The following OSBPL8 variants were observed in gnomAD, a reference collection of about 807,000 sequenced individuals.
The protein encoded by OSBPL8 is oxysterol binding protein like 8, also known as oxysterol-binding protein-related protein 8.
A neutral mutation model predicts 125.5 loss-of-function variants in OSBPL8; 59 were observed. The observed-to-expected ratio is 0.47, with a 90% CI of 0.38 to 0.58. The LOEUF (loss-of-function observed/expected upper bound fraction) is 0.58, where lower values mean the gene tolerates loss of function less well. Ranked by LOEUF, OSBPL8 falls within the 20% of genes least tolerant of loss-of-function variation. The probability of loss-of-function intolerance (pLI) is 0.00; values close to 1 mark genes in which losing one functional copy is unlikely to be tolerated. For missense variants in OSBPL8, 758 were observed against 1,047.8 expected (o/e 0.72, Z 3.82); for synonymous variants, 330 against 338.9 (o/e 0.97, Z 0.29).
chr12:76,435,973 A>G (rs1021781846), intron 4 of OSBPL8, among the ~76,000 whole-genome samples: 8 of 152,158 alleles, frequency 5.3e-5, no homozygotes, highest in African/African-American at 1.9e-4. Flanking sequence ...CTCTCAAAAC[A>G]TAAAGAAAAT....
At chr12:76,503,931 T>A (rs1027371867) in intron 1 of OSBPL8, among the ~76,000 whole-genome samples, 2 of 152,122 alleles carry the variant, frequency 1.3e-5, no homozygotes, top group African/African-American at 4.8e-5. Flanking sequence ...TCAATTTGGC[T>A]AAGCTATGAG....
intron 1 of OSBPL8, among the ~76,000 whole-genome samples, chr12:76,537,659 AAC>A: frequency 6.6e-6 from 1 of 152,324 alleles, no homozygotes; most frequent in Non-Finnish European, 1.5e-5. Flanking sequence ...CTGTAATCCC[AAC>A]ACTTTGGGAG....
intron 12 of OSBPL8, 133 bp from the exon 13 acceptor site, chr12:76,386,793 C>G (rs965595163): frequency 3.4e-6 from 2 of 583,178 alleles, no homozygotes; most frequent in African/African-American, 1.9e-5. Flanking sequence ...GACAAAACAA[C>G]CATGTAATCA....
Position 76,365,188 on chromosome 12 carries a change from C to T in OSBPL8, c.2328+4026G>A, listed in dbSNP as rs149088650. Among the ~76,000 whole-genome samples, 923 of 152,218 alleles carry T rather than the reference C, an allele frequency of 6.1e-3. 10 individuals carry two copies. Among genetic ancestry groups the T allele is most frequent in the African/African-American group, 0.021 (874 of 41,520 alleles). The stretch of plus-strand genomic sequence containing the variant: ...CCAGTCTGGTCTCAAGCAGTCCCTC[C>T]GCCTCGGCCTCCCAAAGTGCTGAGG... On this transcript the variant is annotated intron_variant, in intron 21 of 23. Coordinates refer to ENST00000261183, the MANE Select transcript of OSBPL8 (RefSeq NM_020841.5).
chr12:76,451,026 C>A, intron 3 of OSBPL8, 38 bp from the exon 4 acceptor site: 1 of 1,589,690 alleles, frequency 6.3e-7, no homozygotes, highest in South Asian at 1.1e-5. Flanking sequence ...GTACTGAAGT[C>A]ACAGATTTAC....
At chr12:76,527,777 T>C (rs542329671) in intron 1 of OSBPL8, among the ~76,000 whole-genome samples, 2 of 152,278 alleles carry the variant, frequency 1.3e-5, no homozygotes, top group East Asian at 3.9e-4. Flanking sequence ...AAATATTTTA[T>C]AATGGACAGC....
chr12:76,525,890 T>C (rs551044525), intron 1 of OSBPL8, among the ~76,000 whole-genome samples: 354 of 152,358 alleles, frequency 2.3e-3, no homozygotes, highest in Middle Eastern at 3.4e-3. Flanking sequence ...ACTGAACTAG[T>C]ATTTTTGAAT....
At chr12:76,444,813 T>G (rs1281376949) in intron 4 of OSBPL8, among the ~76,000 whole-genome samples, 1 of 152,170 alleles carries the variant, frequency 6.6e-6, no homozygotes, top group Non-Finnish European at 1.5e-5. Flanking sequence ...AGCTTCCAGG[T>G]GACTCAGATA....
intron 4 of OSBPL8, among the ~76,000 whole-genome samples, chr12:76,416,149 T>A (rs1868637259): frequency 6.6e-6 from 1 of 152,128 alleles, no homozygotes. Flanking sequence ...TTCCAATTCC[T>A]ATTTTGATTT....
chr12:76,452,464 T>C (rs1397785453), intron 3 of OSBPL8, among the ~76,000 whole-genome samples: 1 of 152,122 alleles, frequency 6.6e-6, no homozygotes, highest in Non-Finnish European at 1.5e-5. Context: ...CATCTCAAAT[T>C]TATCTAGAAT....
At chr12:76,357,309 G>A (rs1952023100) in intron 22 of OSBPL8, among the ~76,000 whole-genome samples, 1 of 152,112 alleles carries the variant, frequency 6.6e-6, no homozygotes, top group South Asian at 2.1e-4. Context: ...CAGGGTTGTT[G>A]TAAGGTGTAT....
In OSBPL8 at chr12:76,503,435, T is replaced by C. The variant is rs1880102144; in HGVS notation, c.-67-15817A>G. On this transcript the variant is annotated intron_variant, in intron 1 of 23. Transcript: ENST00000261183. ...TAGTGACCTCATTTTAACTTAACTA[T>C]CTCATTAAAGACCCTGTCTCCAAAT... 2.0e-5 allele frequency among the ~76,000 whole-genome samples: 3 copies of C among 152,176 alleles called. No homozygotes were observed. The South Asian group carries it at 6.2e-4, about 31-fold the overall frequency.
chr12:76,527,305 G>C lies in OSBPL8; in HGVS notation c.-68+32092C>G, dbSNP rs1040062985. 1.4e-4 allele frequency among the ~76,000 whole-genome samples: 22 copies of C among 152,184 alleles called. 1 individual carries two copies. In the East Asian group the frequency reaches 4.1e-3, roughly 28 times the overall value. On this transcript the variant is annotated intron_variant, in intron 1 of 23. Transcript: ENST00000261183. The stretch of plus-strand genomic sequence containing the variant: ...ACAATAACTACAACCAATCAATAAA[G>C]TACATTAATTACAGTTTTCTAAGGT...
intron 1 of OSBPL8, among the ~76,000 whole-genome samples, chr12:76,545,454 TCC>T (rs1295094912): frequency 6.6e-6 from 1 of 152,166 alleles, no homozygotes; most frequent in African/African-American, 2.4e-5. Flanking sequence ...TAAAAAATCA[TCC>T]CCATACTTAA....
At chr12:76,524,082 A>G (rs1215844730) in intron 1 of OSBPL8, among the ~76,000 whole-genome samples, 1 of 152,188 alleles carries the variant, frequency 6.6e-6, no homozygotes, top group Non-Finnish European at 1.5e-5. Context: ...ACATAAACAA[A>G]GAATGAAGGA....
At chr12:76,358,930 T>A in intron 21 of OSBPL8, 119 bp from the exon 22 acceptor site, 1 of 712,088 alleles carries the variant, frequency 1.4e-6, no homozygotes, top group African/African-American at 1.8e-5. Flanking sequence ...AAGACAATGA[T>A]GAAATAGTCT....
intron 4 of OSBPL8, among the ~76,000 whole-genome samples, chr12:76,438,440 A>T (rs1785521778): frequency 6.6e-6 from 1 of 152,026 alleles, no homozygotes; most frequent in Admixed American, 6.6e-5. Flanking sequence ...AGTAGCTGAG[A>T]CTACAGGTGT....
chr12:76,443,890 C>G (rs539862314), intron 4 of OSBPL8, among the ~76,000 whole-genome samples: 1 of 152,126 alleles, frequency 6.6e-6, no homozygotes, highest in Non-Finnish European at 1.5e-5. Context: ...CTTTAAGAGA[C>G]TATAATTTTA....
At chr12:76,524,204 A>G (rs1322124758) in intron 1 of OSBPL8, among the ~76,000 whole-genome samples, 1 of 152,212 alleles carries the variant, frequency 6.6e-6, no homozygotes, top group Admixed American at 6.5e-5. Flanking sequence ...AAAAATGTCC[A>G]TAAGCACCAA....
Sources: allele counts gnomAD v4.1 joint callset (sites outside exome capture counted in the v4.1 genomes callset), GRCh38; gene constraint gnomAD v4.1.1; transcripts MANE v1.5; gene names NCBI Gene and HGNC (gene_info 2026-07-23, HGNC 2026-07-21).